The following NELL2 variants were observed in gnomAD, a reference collection of about 807,000 sequenced individuals.
The protein encoded by NELL2 is neural EGFL like 2, also known as protein kinase C-binding protein NELL2.
Under a neutral mutation model 109.6 loss-of-function variants are expected in NELL2, and 41 were observed. The ratio of observed to expected loss-of-function variants is 0.37; its 90% CI spans 0.29 to 0.49. NELL2 has a LOEUF of 0.49. Among genes scored for constraint, NELL2 ranks in the 20% least tolerant of loss-of-function variants. The pLI, the probability that NELL2 is intolerant of heterozygous loss-of-function variation, is 0.98. For synonymous variants in NELL2, 355 were observed against 344.7 expected (o/e 1.03, Z -0.33); for missense variants, 900 against 1,008.3 (o/e 0.89, Z 1.45).
rs1941745250 is a variant in NELL2, at chr12:44,776,050, A to C, written c.863T>G (p.Ile288Arg). ...GCATGTGCAGTTCTTACAGCCGTCTATCCAGGACTCAAATTCTCGGTAGGT... is the reference window on the plus strand; with the variant it reads ...GCATGTGCAGTTCTTACAGCCGTCTCTCCAGGACTCAAATTCTCGGTAGGT... ...GTTYREFESW[I>R]DGCKNCTCLN... The change falls in exon 8 of 20, where the codon ATA (isoleucine) becomes AGA (arginine). Residue 288 changes from isoleucine to arginine, a missense_variant. Around this residue, in one of 4 missense-constraint regions of NELL2, gnomAD observed 292 missense variants for 265.3 expected, o/e 1.10. Transcript: ENST00000429094. 6.2e-7 allele frequency: 1 copy of C among 1,613,932 alleles called. No homozygotes were observed. Among genetic ancestry groups the C allele is most frequent in the South Asian group, 1.1e-5 (1 of 91,084 alleles).
At chr12:44,605,584 AT>A (rs1447617290) in intron 15 of NELL2, among the ~76,000 whole-genome samples, 1 of 152,178 alleles carries the variant, frequency 6.6e-6, no homozygotes, top group Non-Finnish European at 1.5e-5. Context: ...ATTTTATGCC[AT>A]TCCAGATTTC....
chr12:44,569,145 G>A (rs1943768293), intron 15 of NELL2, among the ~76,000 whole-genome samples: 1 of 151,964 alleles, frequency 6.6e-6, no homozygotes, highest in South Asian at 2.1e-4. Context: ...TTGGTTTTCT[G>A]TTACTGCATT....
At chr12:44,741,677 G>T (rs1566282359) in intron 9 of NELL2, among the ~76,000 whole-genome samples, 1 of 152,334 alleles carries the variant, frequency 6.6e-6, no homozygotes, top group Non-Finnish European at 1.5e-5. Context: ...GGCTCGGAGG[G>T]TCCTACGCCC....
At chr12:44,734,721 C>T (rs1939548720) in intron 9 of NELL2, among the ~76,000 whole-genome samples, 1 of 151,836 alleles carries the variant, frequency 6.6e-6, no homozygotes, top group Non-Finnish European at 1.5e-5. Context: ...CATATTTATT[C>T]TCCCTACTAT....
chr12:44,548,384 G>GA (rs200830420), intron 15 of NELL2, among the ~76,000 whole-genome samples: 378 of 149,764 alleles, frequency 2.5e-3, no homozygotes, highest in African/African-American at 7.4e-3. Context: ...CTCTACAAAA[G>GA]AAAAAAAAAC....
intron 2 of NELL2, among the ~76,000 whole-genome samples, chr12:44,871,747 G>A (rs115828305): frequency 4.7e-4 from 71 of 152,224 alleles, no homozygotes; most frequent in African/African-American, 1.6e-3. Flanking sequence ...TTCACTCTGC[G>A]TAACACTGGC....
intron 9 of NELL2, among the ~76,000 whole-genome samples, chr12:44,756,292 A>C (rs1044532582): frequency 6.6e-6 from 1 of 151,626 alleles, no homozygotes; most frequent in Non-Finnish European, 1.5e-5. Context: ...ATACATGTTC[A>C]ACCTTTCTCT....
intron 2 of NELL2, among the ~76,000 whole-genome samples, chr12:44,861,096 G>A (rs545475508): frequency 1.2e-4 from 19 of 152,296 alleles, no homozygotes; most frequent in African/African-American, 3.8e-4. Context: ...CCAGGTGAGA[G>A]ATTGCAGCAC....
chr12:44,602,299 A>C (rs1410956832), intron 15 of NELL2, among the ~76,000 whole-genome samples: 1 of 152,128 alleles, frequency 6.6e-6, no homozygotes, highest in Non-Finnish European at 1.5e-5. Context: ...ACCCTCCATG[A>C]GTATGTGCCC....
intron 9 of NELL2, among the ~76,000 whole-genome samples, chr12:44,746,763 C>A (rs1213355734): frequency 6.6e-6 from 1 of 152,156 alleles, no homozygotes; most frequent in East Asian, 1.9e-4. Flanking sequence ...CATCTCATAC[C>A]AGTTAGAATG....
intron 9 of NELL2, among the ~76,000 whole-genome samples, chr12:44,727,504 G>T (rs1201293750): frequency 6.6e-6 from 1 of 152,006 alleles, no homozygotes. Context: ...AACAGAAGTG[G>T]AAAAATGGAG....
At chr12:44,637,341 T>G (rs1946676645) in intron 13 of NELL2, among the ~76,000 whole-genome samples, 1 of 150,950 alleles carries the variant, frequency 6.6e-6, no homozygotes, top group African/African-American at 2.4e-5. Flanking sequence ...AACTATTTAT[T>G]GACCACCTAC....
chr12:44,725,267 GTGGGATCTAACT>G (rs1459470865), intron 9 of NELL2, among the ~76,000 whole-genome samples: 1 of 152,110 alleles, frequency 6.6e-6, no homozygotes, highest in Non-Finnish European at 1.5e-5. Context: ...AAATTGACAA[GTGGGATCTAACT>G]AAACTTAAGA....
intron 12 of NELL2, among the ~76,000 whole-genome samples, chr12:44,670,994 T>C (rs977217043): frequency 3.3e-5 from 5 of 152,158 alleles, no homozygotes; most frequent in African/African-American, 7.2e-5. Context: ...AGAATAAATA[T>C]TCCTCTACCG....
intron 2 of NELL2, among the ~76,000 whole-genome samples, chr12:44,867,639 G>C (rs1191804823): frequency 6.6e-6 from 1 of 152,118 alleles, no homozygotes; most frequent in African/African-American, 2.4e-5. Context: ...AATTAGGCAA[G>C]AGAAAGAAAT....
chr12:44,797,402 G>A (rs115732977), intron 3 of NELL2, among the ~76,000 whole-genome samples: 2,199 of 152,136 alleles, frequency 0.014, 52 homozygotes, highest in African/African-American at 0.05. Flanking sequence ...GCACATAGCA[G>A]ATGTGCAAAA....
At chr12:44,871,450 T>A (rs1466363728) in intron 2 of NELL2, among the ~76,000 whole-genome samples, 1 of 152,228 alleles carries the variant, frequency 6.6e-6, no homozygotes, top group Non-Finnish European at 1.5e-5. Flanking sequence ...CTCGCTTAAT[T>A]GTCATAACAA....
chr12:44,830,634 G>A (rs778936274), intron 2 of NELL2, among the ~76,000 whole-genome samples: 7 of 152,134 alleles, frequency 4.6e-5, no homozygotes, highest in South Asian at 4.2e-4. Context: ...GCCATCTCCC[G>A]GTTTCTGAGC....
At chr12:44,805,586 G>A (rs1356911235) in intron 3 of NELL2, among the ~76,000 whole-genome samples, 2 of 151,738 alleles carry the variant, frequency 1.3e-5, no homozygotes, top group African/African-American at 4.8e-5. Flanking sequence ...CTACATCTAA[G>A]TCCAACATGT....
Sources: gnomAD v4.1 joint callset for allele counts (sites outside exome capture counted in the v4.1 genomes callset) on GRCh38, gnomAD v4.1.1 for gene constraint, gnomAD v4.1.1 regional missense constraint, MANE v1.5 for transcripts, NCBI Gene and HGNC (gene_info 2026-07-23, HGNC 2026-07-21) for gene names.